ME3: variants seen among roughly 807,000 people sequenced by gnomAD.
The protein encoded by ME3 is malic enzyme 3.
Under a neutral mutation model 68.9 loss-of-function variants are expected in ME3, and 48 were observed. That is an observed-to-expected ratio of 0.70 (90% CI 0.55 to 0.89). ME3 has a LOEUF of 0.89. Among genes scored for constraint, ME3 ranks in the 40% least tolerant of loss-of-function variants. The pLI, the probability that ME3 is intolerant of heterozygous loss-of-function variation, is 0.00. For synonymous variants in ME3, 320 were observed against 318.8 expected (o/e 1.00, Z -0.04); for missense variants, 675 against 797.4 (o/e 0.85, Z 1.85).
At chr11:86,557,704 A>T (rs552142333) in intron 3 of ME3, among the ~76,000 whole-genome samples, 6 of 152,300 alleles carry the variant, frequency 3.9e-5, no homozygotes, top group Admixed American at 3.3e-4. Flanking sequence ...TTAGCAAGAG[A>T]GGACTGATAC....
chr11:86,648,639 G>A (rs568117322), intron 2 of ME3, among the ~76,000 whole-genome samples: 1 of 152,090 alleles, frequency 6.6e-6, no homozygotes, highest in Admixed American at 6.5e-5. Flanking sequence ...AATAAAAAAT[G>A]ATAAAGGGGA....
At chr11:86,628,298 T>A (rs1483055905) in intron 2 of ME3, among the ~76,000 whole-genome samples, 2 of 152,198 alleles carry the variant, frequency 1.3e-5, no homozygotes, top group Non-Finnish European at 2.9e-5. Context: ...CTCCTCCCAA[T>A]ACTTCGGGAG....
intron 4 of ME3, among the ~76,000 whole-genome samples, chr11:86,512,960 T>C (rs925999587): frequency 6.6e-6 from 1 of 152,144 alleles, no homozygotes; most frequent in Non-Finnish European, 1.5e-5. Context: ...TTTACTTCTG[T>C]AAAGGAAATC....
At chr11:86,510,364 T>A (rs1953426631) in intron 4 of ME3, among the ~76,000 whole-genome samples, 1 of 152,220 alleles carries the variant, frequency 6.6e-6, no homozygotes, top group African/African-American at 2.4e-5. Flanking sequence ...TTCTTTGAGT[T>A]TTCCTCCTAC....
chr11:86,635,919 A>G (rs948941983), intron 2 of ME3, among the ~76,000 whole-genome samples: 1 of 152,210 alleles, frequency 6.6e-6, no homozygotes, highest in Non-Finnish European at 1.5e-5. Context: ...CAGAGCCAGA[A>G]CTGGACTCCT....
intron 2 of ME3, among the ~76,000 whole-genome samples, chr11:86,599,525 C>G (rs1415793531): frequency 2.6e-5 from 4 of 152,348 alleles, no homozygotes; most frequent in Middle Eastern, 3.4e-3. Context: ...GGAAAACACT[C>G]TGCAGGTTAT....
chr11:86,435,927 A>C, the ME3 span: 1 of 152,302 alleles, frequency 6.6e-6, no homozygotes, highest in Non-Finnish European at 1.5e-5. Flanking sequence ...TGAAGCATTC[A>C]CCTTCAGTCG....
chr11:86,652,596 A>G (rs1945528733), intron 2 of ME3, among the ~76,000 whole-genome samples: 1 of 152,156 alleles, frequency 6.6e-6, no homozygotes, highest in African/African-American at 2.4e-5. Context: ...TGAGGGAAGC[A>G]CTAAACATGG....
At chr11:86,667,932 G>C (rs548332828) in intron 2 of ME3, 2 of 152,252 alleles carry the variant, frequency 1.3e-5, no homozygotes, top group East Asian at 3.9e-4. Flanking sequence ...TGCCAAATCC[G>C]TATGGACAAT....
intron 8 of ME3, among the ~76,000 whole-genome samples, chr11:86,464,375 G>A (rs1374754472): frequency 1.3e-5 from 2 of 152,176 alleles, no homozygotes. Flanking sequence ...TTTGGACACT[G>A]GTAACTCCAC....
At chr11:86,639,963 C>T (rs1404302216) in intron 2 of ME3, among the ~76,000 whole-genome samples, 4 of 152,118 alleles carry the variant, frequency 2.6e-5, no homozygotes, top group Non-Finnish European at 4.4e-5. Flanking sequence ...CACCTCTGGG[C>T]ATGTGATCTC....
chr11:86,608,362 T>C (rs978013786), intron 2 of ME3, among the ~76,000 whole-genome samples: 1 of 152,150 alleles, frequency 6.6e-6, no homozygotes, highest in African/African-American at 2.4e-5. Context: ...GACCACTCTG[T>C]AATGAAGCCC....
intron 2 of ME3, among the ~76,000 whole-genome samples, chr11:86,628,226 A>C (rs1347198801): frequency 6.6e-6 from 1 of 152,208 alleles, no homozygotes; most frequent in Non-Finnish European, 1.5e-5. Context: ...TGTGAATAAC[A>C]GTCAGTGTGG....
chr11:86,465,167 G>A (rs1156665321), exon 8 of ME3: 1 of 1,613,674 alleles, frequency 6.2e-7, no homozygotes, highest in Non-Finnish European at 8.5e-7. Flanking sequence ...CATTGGCGAA[G>A]TCTTCAAATT....
intron 4 of ME3, among the ~76,000 whole-genome samples, chr11:86,551,283 C>G (rs1956668527): frequency 6.6e-6 from 1 of 152,174 alleles, no homozygotes; most frequent in Non-Finnish European, 1.5e-5. Context: ...GTGATCCGAG[C>G]TTGGAGCTGT....
intron 4 of ME3, among the ~76,000 whole-genome samples, chr11:86,530,337 T>G (rs147854362): frequency 0.083 from 12,573 of 151,878 alleles, 574 homozygotes; most frequent in Non-Finnish European, 0.11. Context: ...CACTGCTCAA[T>G]GAAATAAAAG....
chr11:86,591,456 A>G (rs780738685), intron 2 of ME3, among the ~76,000 whole-genome samples: 2 of 152,224 alleles, frequency 1.3e-5, no homozygotes, highest in Non-Finnish European at 2.9e-5. Flanking sequence ...GGAGATTAGA[A>G]CACAGACAAC....
chr11:86,505,261 G>C (rs529469588), intron 5 of ME3, among the ~76,000 whole-genome samples: 5 of 150,782 alleles, frequency 3.3e-5, no homozygotes, highest in East Asian at 1.9e-4. Context: ...CCTAGGGGTG[G>C]GGGGGGAGGA....
intron 4 of ME3, among the ~76,000 whole-genome samples, chr11:86,547,486 TG>T (rs1176349241): frequency 5.0e-5 from 4 of 79,570 alleles, no homozygotes; most frequent in Non-Finnish European, 1.0e-4. Context: ...GTCGGGCGGG[TG>T]GGGGGTTGGG....
Sources: allele counts gnomAD v4.1 joint callset (sites outside exome capture counted in the v4.1 genomes callset), GRCh38; gene constraint gnomAD v4.1.1; transcripts MANE v1.5; gene names NCBI Gene and HGNC (gene_info 2026-07-23, HGNC 2026-07-21).